The following CDKAL1 variants were observed in gnomAD, a reference collection of about 807,000 sequenced individuals.
CDKAL1 encodes CDKAL1 threonylcarbamoyladenosine tRNA methylthiotransferase, also known as threonylcarbamoyladenosine tRNA methylthiotransferase.
CDKAL1 carries 32 observed loss-of-function variants against 68.2 expected under a neutral mutation model. The ratio of observed to expected loss-of-function variants is 0.47; its 90% CI spans 0.35 to 0.63. CDKAL1 has a LOEUF of 0.63. CDKAL1 is among the 30% of genes least tolerant of loss of function. The pLI, the probability that CDKAL1 is intolerant of heterozygous loss-of-function variation, is 0.00. For synonymous variants in CDKAL1, 234 were observed against 244.3 expected, an observed-to-expected ratio of 0.96 and a Z score of 0.39; for missense variants, 606 against 696.7, an observed-to-expected ratio of 0.87 and a Z score of 1.47.
chr6:20,886,986 GACAA>G (rs1409590200), intron 9 of CDKAL1, among the ~76,000 whole-genome samples: 1 of 152,102 alleles, frequency 6.6e-6, no homozygotes, highest in African/African-American at 2.4e-5. Context: ...CAATAATGAA[GACAA>G]ACAACTGAAT....
intron 8 of CDKAL1, among the ~76,000 whole-genome samples, chr6:20,822,903 A>G (rs1056460487): frequency 6.6e-6 from 1 of 152,176 alleles, no homozygotes; most frequent in Non-Finnish European, 1.5e-5. Context: ...AGTTCTTTAT[A>G]GCCATGTGAA....
intron 4 of CDKAL1, among the ~76,000 whole-genome samples, chr6:20,622,180 A>C (rs559497997): frequency 6.6e-6 from 1 of 151,872 alleles, no homozygotes; most frequent in Non-Finnish European, 1.5e-5. Context: ...CTTTGCTTCT[A>C]TATTTAGGTG....
intron 12 of CDKAL1, among the ~76,000 whole-genome samples, chr6:21,089,870 A>G (rs1442063135): frequency 2.0e-5 from 3 of 152,244 alleles, no homozygotes; most frequent in African/African-American, 7.2e-5. Context: ...ATTTGAGGAC[A>G]TTGGATTCTT....
intron 12 of CDKAL1, among the ~76,000 whole-genome samples, chr6:21,072,696 T>C (rs1223769763): frequency 6.6e-6 from 1 of 150,974 alleles, no homozygotes; most frequent in Non-Finnish European, 1.5e-5. Flanking sequence ...TTTTTTGTCT[T>C]TATTTTTTAA....
chr6:20,563,655 CT>C (rs1428523136), intron 4 of CDKAL1, among the ~76,000 whole-genome samples: 1 of 143,568 alleles, frequency 7.0e-6, no homozygotes, highest in Non-Finnish European at 1.5e-5. Context: ...CCAACGAGGG[CT>C]TTTTTTTTTT....
intron 8 of CDKAL1, among the ~76,000 whole-genome samples, chr6:20,805,388 T>G (rs1055867710): frequency 6.6e-6 from 1 of 152,232 alleles, no homozygotes; most frequent in Non-Finnish European, 1.5e-5. Flanking sequence ...CAGTTACAAC[T>G]AACTCCACAG....
At chr6:20,760,783 A>G (rs1379105832) in intron 7 of CDKAL1, among the ~76,000 whole-genome samples, 1 of 152,226 alleles carries the variant, frequency 6.6e-6, no homozygotes, top group African/African-American at 2.4e-5. Context: ...TGGCCACTCA[A>G]TAATTTTTTA....
Position 21,201,334 on chromosome 6 carries a change from G to A in CDKAL1, c.1548+60G>A, listed in dbSNP as rs140955295. 336 of 1,424,754 alleles carry A rather than the reference G, an allele frequency of 2.4e-4. 2 individuals carry two copies. Among genetic ancestry groups the A allele is most frequent in the Middle Eastern group, 2.0e-3 (11 of 5,520 alleles). The allele number at this position is 1,424,754 out of a possible 1,614,324, so 88.3% of individuals were successfully genotyped here. On this transcript the variant is annotated intron_variant, in intron 15 of 15. Coordinates refer to ENST00000274695, the MANE Select transcript of CDKAL1 (RefSeq NM_017774.3). ...GTAAAACAGCAGCTGTGGAAGCACA[G>A]TGATTCCAGGCCATGTTTCTGTTAT...
intron 5 of CDKAL1, among the ~76,000 whole-genome samples, chr6:20,738,952 G>A (rs555924066): frequency 6.6e-6 from 1 of 152,320 alleles, no homozygotes; most frequent in African/African-American, 2.4e-5. Flanking sequence ...ATATGTGAGG[G>A]ATAGTCTTGT....
At chr6:20,994,542 A>G (rs532095078) in intron 10 of CDKAL1, among the ~76,000 whole-genome samples, 1 of 152,302 alleles carries the variant, frequency 6.6e-6, no homozygotes, top group African/African-American at 2.4e-5. Flanking sequence ...ACCTTTAGAA[A>G]TATAATCCAT....
intron 2 of CDKAL1, among the ~76,000 whole-genome samples, chr6:20,541,957 G>A (rs1243805298): frequency 3.9e-5 from 6 of 152,242 alleles, no homozygotes; most frequent in African/African-American, 1.2e-4. Flanking sequence ...ACCGTTTCCG[G>A]CAATTGACAG....
At chr6:21,017,752 A>G (rs1296173310) in intron 11 of CDKAL1, among the ~76,000 whole-genome samples, 1 of 152,172 alleles carries the variant, frequency 6.6e-6, no homozygotes, top group South Asian at 2.1e-4. Flanking sequence ...CCAAGCTATT[A>G]TATATTTCTT....
At chr6:20,782,885 A>G (rs1011771917) in intron 8 of CDKAL1, among the ~76,000 whole-genome samples, 1 of 152,194 alleles carries the variant, frequency 6.6e-6, no homozygotes, top group African/African-American at 2.4e-5. Context: ...GGACAATAAT[A>G]TTTGGAGTTT....
chr6:20,704,468 TA>T lies in CDKAL1; in HGVS notation c.372-35043del, dbSNP rs370259646. ...ACATTCTAGACAGAGGAAACAGCAA[TA>T]AAAAAAACACTGGGGGAGGAATGTG... On this transcript the variant is annotated intron_variant, in intron 5 of 15. Transcript: ENST00000274695. 9.5e-3 allele frequency among the ~76,000 whole-genome samples: 1,401 copies of T among 147,084 alleles called. 27 individuals carry two copies. Among genetic ancestry groups the T allele is most frequent in the African/African-American group, 0.036 (1,332 of 37,220 alleles).
intron 8 of CDKAL1, among the ~76,000 whole-genome samples, chr6:20,791,298 A>G (rs1233034428): frequency 6.6e-6 from 1 of 152,210 alleles, no homozygotes; most frequent in African/African-American, 2.4e-5. Flanking sequence ...TGTTCAATAT[A>G]TAGTATTATT....
intron 13 of CDKAL1, among the ~76,000 whole-genome samples, chr6:21,167,054 T>C (rs187286969): frequency 5.3e-5 from 8 of 152,314 alleles, no homozygotes; most frequent in African/African-American, 1.9e-4. Context: ...ATAGTTGTCA[T>C]GAGGAACAAA....
At chr6:20,714,802 A>G (rs528180979) in intron 5 of CDKAL1, among the ~76,000 whole-genome samples, 6 of 152,344 alleles carry the variant, frequency 3.9e-5, no homozygotes, top group African/African-American at 7.2e-5. Flanking sequence ...CTTGGCATAC[A>G]TAAGAGTTTA....
At chr6:21,071,205 C>A (rs1373822120) in intron 12 of CDKAL1, among the ~76,000 whole-genome samples, 1 of 152,058 alleles carries the variant, frequency 6.6e-6, no homozygotes, top group African/African-American at 2.4e-5. Flanking sequence ...GAATTGTAAT[C>A]CCCACGTGTC....
chr6:20,960,627 A>G (rs540793737), intron 10 of CDKAL1, among the ~76,000 whole-genome samples: 17 of 152,214 alleles, frequency 1.1e-4, no homozygotes, highest in Non-Finnish European at 2.1e-4. Flanking sequence ...CATACACCTA[A>G]TAAATGTTTA....
Sources: allele counts gnomAD v4.1 joint callset (sites outside exome capture counted in the v4.1 genomes callset), GRCh38; gene constraint gnomAD v4.1.1; transcripts MANE v1.5; gene names NCBI Gene and HGNC (gene_info 2026-07-23, HGNC 2026-07-21).